DNAH3: variants seen among roughly 807,000 people sequenced by gnomAD.
DNAH3 encodes the protein axonemal beta dynein heavy chain 3.
A neutral mutation model predicts 432.5 loss-of-function variants in DNAH3; 332 were observed. The observed-to-expected ratio is 0.77, with a 90% confidence interval of 0.70 to 0.84. The LOEUF (loss-of-function observed/expected upper bound fraction) is 0.84, where lower values mean the gene tolerates loss of function less well. DNAH3 is among the 40% of genes least tolerant of loss of function. The pLI is 0.00. For missense variants in DNAH3, 4,861 were observed against 5,114.0 expected (o/e 0.95, Z 1.51); for synonymous variants, 1,956 against 1,900.2 (o/e 1.03, Z -0.76).
At chr16:21,045,207 T>A (rs944705731) in intron 31 of DNAH3, among the ~76,000 whole-genome samples, 13 of 151,338 alleles carry the variant, frequency 8.6e-5, no homozygotes, top group African/African-American at 3.1e-4. Flanking sequence ...TTAGGGAGGA[T>A]TCCCTCTTTT....
At chr16:21,047,423 A>AT (rs1481346080) in intron 31 of DNAH3, among the ~76,000 whole-genome samples, 2 of 151,172 alleles carry the variant, frequency 1.3e-5, no homozygotes, top group African/African-American at 4.9e-5. Flanking sequence ...CATTTCATTC[A>AT]TTTCATCTTC....
At chr16:21,062,569 A>G in exon 25 of DNAH3, 1 of 1,614,182 alleles carries the variant, frequency 6.2e-7, no homozygotes, top group Non-Finnish European at 8.5e-7. Flanking sequence ...GATTGTCTGT[A>G]AACTCAAGCT....
chr16:21,041,186 C>T (rs2089425773), intron 32 of DNAH3, among the ~76,000 whole-genome samples: 1 of 152,106 alleles, frequency 6.6e-6, no homozygotes, highest in Non-Finnish European at 1.5e-5. Flanking sequence ...GCCTGGCCAA[C>T]ATGGTAAGAC....
At chr16:21,156,017 A>C (rs990809483) in intron 1 of DNAH3, among the ~76,000 whole-genome samples, 1 of 152,102 alleles carries the variant, frequency 6.6e-6, no homozygotes, top group East Asian at 1.9e-4. Context: ...TTTATTTCTC[A>C]CTGCTCTGAA....
At chr16:20,950,224 CTTTG>C (rs2084251069) in intron 56 of DNAH3, among the ~76,000 whole-genome samples, 1 of 152,128 alleles carries the variant, frequency 6.6e-6, no homozygotes, top group South Asian at 2.1e-4. Context: ...TCATTTGGGG[CTTTG>C]TTTTAGGGAA....
intron 9 of DNAH3, among the ~76,000 whole-genome samples, chr16:21,122,728 T>C (rs1201372299): frequency 6.6e-6 from 1 of 152,128 alleles, no homozygotes; most frequent in African/African-American, 2.4e-5. Context: ...ATTTCTTCCT[T>C]TGGGAAGCCT....
At chr16:21,140,890 G>A (rs2092710164) in intron 4 of DNAH3, among the ~76,000 whole-genome samples, 180 bp from the exon 6 acceptor site, 1 of 152,110 alleles carries the variant, frequency 6.6e-6, no homozygotes, top group African/African-American at 2.4e-5. Flanking sequence ...CACCTCATAG[G>A]TATTTTAGCA....
chr16:20,945,902 C>G (rs2084024463), intron 57 of DNAH3, among the ~76,000 whole-genome samples: 1 of 152,182 alleles, frequency 6.6e-6, no homozygotes, highest in Non-Finnish European at 1.5e-5. Context: ...GGACCCCCTT[C>G]CGATAATAAA....
exon 43 of DNAH3, chr16:21,000,360 C>T (rs369981787): frequency 4.3e-5 from 70 of 1,613,922 alleles, no homozygotes; most frequent in Admixed American, 1.0e-4. Flanking sequence ...TGGGTAGGTA[C>T]GTATTTTTGG....
At chr16:21,002,842 T>C (rs914994292) in intron 42 of DNAH3, among the ~76,000 whole-genome samples, 7 of 152,158 alleles carry the variant, frequency 4.6e-5, no homozygotes, top group Admixed American at 1.3e-4. Flanking sequence ...CATGTGTTCA[T>C]GTATAACACC....
At chr16:21,082,964 G>GTTAAATTTTTATTATTTT (rs138173438) in intron 19 of DNAH3, among the ~76,000 whole-genome samples, 6 of 148,566 alleles carry the variant, frequency 4.0e-5, no homozygotes, top group Middle Eastern at 3.4e-3. Flanking sequence ...TTTTTTAACA[G>GTTAAATTTTTATTATTTT]TTAAATTTTT....
At chr16:20,982,004 TA>T (rs2085926971) in intron 49 of DNAH3, among the ~76,000 whole-genome samples, 1 of 146,140 alleles carries the variant, frequency 6.8e-6, no homozygotes, top group African/African-American at 2.6e-5. Flanking sequence ...ATATAATATA[TA>T]ATATATATAA....
chr16:21,097,399 G>A (rs145828896), exon 18 of DNAH3: 23 of 1,613,858 alleles, frequency 1.4e-5, no homozygotes, highest in African/African-American at 1.3e-4. Flanking sequence ...ATAGGCTGTC[G>A]ACCACAGCTG....
At chr16:20,937,027 T>C (rs1010921928) in intron 59 of DNAH3, among the ~76,000 whole-genome samples, 174 bp from the exon 60 acceptor site, 1 of 152,258 alleles carries the variant, frequency 6.6e-6, no homozygotes, top group Admixed American at 6.5e-5. Flanking sequence ...TGTATATCTT[T>C]CCAGATTTTT....
intron 25 of DNAH3, among the ~76,000 whole-genome samples, chr16:21,061,226 T>C (rs900434920): frequency 1.4e-5 from 2 of 139,068 alleles, no homozygotes; most frequent in Non-Finnish European, 3.0e-5. Flanking sequence ...AAAGGGGCGA[T>C]AGGCCTTTTT....
rs756342419 is a variant in DNAH3, at chr16:21,087,008, C to T, written c.2718G>A (p.Met906Ile). The change falls in exon 19 of 62, where the codon ATG becomes ATA. Residue 906 changes from methionine (M) to isoleucine (I), a missense_variant. Met to Ile is a conservative substitution (Grantham distance 10). Coordinates refer to ENST00000261383, the Ensembl canonical transcript of DNAH3. ...TGATCAGTTTATACGTTGTCCTCCACATATTCCCTATCTCCTCCGCAATTT... is the reference window on the plus strand; with the variant it reads ...TGATCAGTTTATACGTTGTCCTCCATATATTCCCTATCTCCTCCGCAATTT... The T allele has an allele frequency of 3.7e-6, 6 of 1,614,068 alleles. No homozygotes were observed. In the African/African-American group the frequency reaches 8.0e-5, roughly 22 times the overall value.
chr16:20,997,721 G>A (rs760187962), intron 43 of DNAH3, among the ~76,000 whole-genome samples: 8 of 151,862 alleles, frequency 5.3e-5, no homozygotes, highest in Non-Finnish European at 8.8e-5. Flanking sequence ...TGGCTTGGCC[G>A]GGCATGGTGG....
chr16:20,996,885 A>T (rs2086785556), intron 44 of DNAH3: 1 of 172,950 alleles, frequency 5.8e-6, no homozygotes, highest in Admixed American at 5.7e-5. Context: ...TATTGTTATT[A>T]ATTTTGCTTA....
intron 21 of DNAH3, among the ~76,000 whole-genome samples, chr16:21,075,142 G>A (rs921237821): frequency 2.6e-5 from 4 of 152,130 alleles, no homozygotes; most frequent in African/African-American, 7.2e-5. Context: ...GGGAAGCTTT[G>A]GAATGGTGTA....
Sources: allele counts gnomAD v4.1 joint callset (sites outside exome capture counted in the v4.1 genomes callset), GRCh38; gene constraint gnomAD v4.1.1; transcripts MANE v1.5; gene names NCBI Gene and HGNC (gene_info 2026-07-23, HGNC 2026-07-21).